Variants in PSD3 observed in about 807,000 individuals in gnomAD.
The protein encoded by PSD3 is pleckstrin and Sec7 domain containing 3, also known as PH and SEC7 domain-containing protein 3.
A neutral mutation model predicts 105.5 loss-of-function variants in PSD3; 49 were observed. That is an observed-to-expected ratio of 0.46 (90% CI 0.37 to 0.59). PSD3 has a LOEUF of 0.59. Among genes scored for constraint, PSD3 ranks in the 20% least tolerant of loss-of-function variants. The probability of loss-of-function intolerance (pLI) is 0.00; values close to 1 mark genes in which losing one functional copy is unlikely to be tolerated. For missense variants in PSD3, 1,561 were observed against 1,263.8 expected, an observed-to-expected ratio of 1.24 and a Z score of -3.57; for synonymous variants, 557 against 457.8, an observed-to-expected ratio of 1.22 and a Z score of -2.77.
At chr8:18,950,826 C>T (rs968218395) in intron 1 of PSD3, among the ~76,000 whole-genome samples, 4 of 152,096 alleles carry the variant, frequency 2.6e-5, no homozygotes, top group Non-Finnish European at 5.9e-5. Flanking sequence ...AAGAGTTTAT[C>T]GGCCTCACCC....
intron 9 of PSD3, among the ~76,000 whole-genome samples, chr8:18,664,020 A>G (rs1487763): frequency 0.28 from 42,557 of 152,126 alleles, 8,078 homozygotes; most frequent in East Asian, 0.66. Flanking sequence ...CCATCTCCAC[A>G]TAAGATGGTA....
At chr8:19,044,276 T>G (rs371283181) in intron 1 of PSD3, among the ~76,000 whole-genome samples, 1 of 152,344 alleles carries the variant, frequency 6.6e-6, no homozygotes, top group East Asian at 1.9e-4. Context: ...GTCTCCTAGC[T>G]GCTTTTTCTC....
At chr8:18,698,807 G>T (rs1490207826) in intron 9 of PSD3, among the ~76,000 whole-genome samples, 1 of 152,088 alleles carries the variant, frequency 6.6e-6, no homozygotes, top group Admixed American at 6.5e-5. Context: ...TATTTAATTA[G>T]GATTAAGGAG....
chr8:18,816,824 A>G lies in PSD3; in HGVS notation c.1635-11926T>C, dbSNP rs185547981. ...GTCTAATAAAGCATCAACAGATGAA[A>G]GTCCTTGCTTTCAAGGAGTTTACAC... On this transcript the variant is annotated intron_variant, in intron 4 of 15. Coordinates refer to ENST00000327040, the MANE Select transcript of PSD3 (RefSeq NM_015310.4). Among the ~76,000 whole-genome samples the G allele has an allele frequency of 4.6e-5, 7 of 151,156 alleles. No individual in the cohort carries two copies. The East Asian group carries it at 1.4e-3, about 30-fold the overall frequency.
intron 1 of PSD3, among the ~76,000 whole-genome samples, chr8:18,987,905 A>G (rs1825590322): frequency 6.6e-6 from 1 of 152,178 alleles, no homozygotes; most frequent in African/African-American, 2.4e-5. Context: ...AAAAAATACA[A>G]AACAAGGGCC....
At chr8:18,589,255 T>C (rs893140495) in intron 12 of PSD3, among the ~76,000 whole-genome samples, 6 of 152,114 alleles carry the variant, frequency 3.9e-5, no homozygotes, top group African/African-American at 9.7e-5. Flanking sequence ...CAGTATGAGA[T>C]AGCCAGCCAC....
intron 12 of PSD3, among the ~76,000 whole-genome samples, chr8:18,588,529 A>C (rs527642784): frequency 2.0e-5 from 3 of 152,224 alleles, no homozygotes; most frequent in Non-Finnish European, 4.4e-5. Flanking sequence ...TAACTGAAAT[A>C]GCAACCCGAA....
At chr8:19,044,103 G>GT (rs1456469952) in intron 1 of PSD3, among the ~76,000 whole-genome samples, 1 of 152,224 alleles carries the variant, frequency 6.6e-6, no homozygotes, top group Non-Finnish European at 1.5e-5. Flanking sequence ...TCAGAAGCAA[G>GT]TAAGATGCTG....
intron 8 of PSD3, chr8:18,799,031 T>C (rs543343177): frequency 9.8e-5 from 36 of 365,616 alleles, no homozygotes; most frequent in African/African-American, 7.3e-4. Flanking sequence ...CTGTCTGCCA[T>C]CTACTGGACA....
intron 2 of PSD3, among the ~76,000 whole-genome samples, chr8:18,893,587 G>T (rs1363326618): frequency 2.6e-5 from 4 of 152,090 alleles, no homozygotes; most frequent in Non-Finnish European, 2.9e-5. Flanking sequence ...CCACCTCTCT[G>T]TAGGGATGAA....
At chr8:19,075,921 T>A (rs6586802) in intron 1 of PSD3, among the ~76,000 whole-genome samples, 3 of 152,036 alleles carry the variant, frequency 2.0e-5, no homozygotes, top group Non-Finnish European at 4.4e-5. Flanking sequence ...TAATCAACAA[T>A]GTAATTCCTG....
intron 4 of PSD3, among the ~76,000 whole-genome samples, chr8:18,818,108 T>C (rs909318459): frequency 1.3e-5 from 2 of 152,058 alleles, no homozygotes; most frequent in African/African-American, 4.8e-5. Context: ...CACCTGCCAC[T>C]ACGCTTGGCT....
intron 10 of PSD3, among the ~76,000 whole-genome samples, chr8:18,634,558 A>C (rs1214032079): frequency 1.3e-5 from 2 of 152,156 alleles, no homozygotes; most frequent in Non-Finnish European, 2.9e-5. Flanking sequence ...CCATGATCCC[A>C]CAGTGCATTC....
At chr8:18,913,622 C>G (rs921949284) in intron 2 of PSD3, among the ~76,000 whole-genome samples, 1 of 152,076 alleles carries the variant, frequency 6.6e-6, no homozygotes, top group African/African-American at 2.4e-5. Context: ...AACCCAGGAC[C>G]CAGGCCCATC....
chr8:18,657,473 G>A (rs892340265), intron 9 of PSD3, among the ~76,000 whole-genome samples: 7 of 152,062 alleles, frequency 4.6e-5, no homozygotes, highest in African/African-American at 1.4e-4. Context: ...ATATTTTTCA[G>A]GACATGATAG....
At chr8:18,865,286 ATTT>A (rs375872604) in intron 4 of PSD3, 70 of 14,102 alleles carry the variant, frequency 5.0e-3, no homozygotes, top group African/African-American at 0.018. Flanking sequence ...ATATATATAT[ATTT>A]TTTTTTTTTT....
At chr8:18,539,815 G>C (rs1800055159) in intron 15 of PSD3, among the ~76,000 whole-genome samples, 4 of 151,936 alleles carry the variant, frequency 2.6e-5, no homozygotes. Context: ...CAAACTGCTG[G>C]GATTACAAGC....
chr8:18,820,415 G>T (rs887607293), intron 4 of PSD3, among the ~76,000 whole-genome samples: 1 of 152,020 alleles, frequency 6.6e-6, no homozygotes, highest in Non-Finnish European at 1.5e-5. Context: ...ACTGGTTCTA[G>T]AACACTCCCC....
At chr8:18,769,789 C>T (rs1807337731) in intron 8 of PSD3, among the ~76,000 whole-genome samples, 1 of 152,174 alleles carries the variant, frequency 6.6e-6, no homozygotes, top group Admixed American at 6.5e-5. Flanking sequence ...CAAGTTCATC[C>T]ATGTTGTTGC....
Sources: allele counts gnomAD v4.1 joint callset (sites outside exome capture counted in the v4.1 genomes callset), GRCh38; gene constraint gnomAD v4.1.1; transcripts MANE v1.5; gene names NCBI Gene and HGNC (gene_info 2026-07-23, HGNC 2026-07-21).